The following LARP1 variants were observed in gnomAD, a reference collection of about 807,000 sequenced individuals.
LARP1 encodes la-related protein 1.
Under a neutral mutation model 122.7 loss-of-function variants are expected in LARP1, and 36 were observed. The observed-to-expected ratio is 0.29, with a 90% CI of 0.22 to 0.39. The LOEUF is 0.39. Ranked by LOEUF, LARP1 falls within the 10% of genes least tolerant of loss-of-function variation. The pLI, the probability that LARP1 is intolerant of heterozygous loss-of-function variation, is 1.00. For synonymous variants in LARP1, 539 were observed against 528.7 expected, an observed-to-expected ratio of 1.02 and a Z score of -0.27; for missense variants, 1,040 against 1,403.6, an observed-to-expected ratio of 0.74 and a Z score of 4.14.
chr5:154,697,202 CT>C (rs11399407), intron 1 of LARP1, among the ~76,000 whole-genome samples: 1,912 of 141,552 alleles, frequency 0.014, 45 homozygotes, highest in African/African-American at 0.046. Context: ...AGCTTTTTAT[CT>C]TTTTTTTTTT....
chr5:154,792,647 C>G lies in LARP1; in HGVS notation c.590C>G (p.Thr197Ser). 6.2e-7 allele frequency: 1 copy of G among 1,614,050 alleles called. No homozygotes were observed. Among genetic ancestry groups the G allele is most frequent in the Non-Finnish European group, 8.5e-7 (1 of 1,179,990 alleles). Residue 197 changes from threonine to serine, a missense_variant, in exon 4 of 19, where the codon ACC (threonine) becomes AGC (serine). Physicochemically the swap from Thr to Ser is moderately conservative, Grantham distance 58 (BLOSUM62 1). This residue lies in a region of LARP1 where 257 missense variants were observed against 273.3 expected (regional missense o/e 0.94). Coordinates refer to ENST00000518297, the MANE Select transcript of LARP1 (RefSeq NM_033551.3). ...VQPQSHKPQP[T>S]RKLPPKKDMK... The stretch of plus-strand genomic sequence containing the variant: ...CCACAGTCCCACAAGCCTCAGCCTA[C>G]CCGTAAACTGCCACCCAAGAAGGAC...
chr5:154,794,545 C>T (rs1242500093), intron 7 of LARP1, among the ~76,000 whole-genome samples: 3 of 152,178 alleles, frequency 2.0e-5, no homozygotes, highest in Admixed American at 1.3e-4. Flanking sequence ...TTTGTAATGA[C>T]AACATTGACA....
chr5:154,791,221 G>A (rs1289171153), intron 3 of LARP1, among the ~76,000 whole-genome samples: 2 of 131,970 alleles, frequency 1.5e-5, no homozygotes, highest in Non-Finnish European at 3.1e-5. Context: ...TGCAACCTCC[G>A]CCTCCCAGGT....
upstream of LARP1, among the ~76,000 whole-genome samples, chr5:154,751,469 C>T (rs1183358430): frequency 1.3e-5 from 2 of 152,132 alleles, no homozygotes; most frequent in African/African-American, 4.8e-5. Context: ...AAGTATTTCC[C>T]ATAGAACCTA....
Position 154,811,240 on chromosome 5 carries a change from TC to T in LARP1, c.2844-6del. 1 of 1,610,980 alleles carries T rather than the reference TC, an allele frequency of 6.2e-7. No homozygotes were observed. Among genetic ancestry groups the T allele is most frequent in the Non-Finnish European group, 8.5e-7 (1 of 1,177,146 alleles). ...CTGCCCTGATTTCACTGACTTGTGT[TC>T]TACAGATATGGTTTGGAGTGCCTTT... On this transcript the variant is annotated splice_region_variant and splice_polypyrimidine_tract_variant and intron_variant, in intron 16 of 18. Coordinates refer to ENST00000518297, the MANE Select transcript of LARP1 (RefSeq NM_033551.3).
In LARP1 at chr5:154,814,481, CT is replaced by C. The variant is rs1759534995; in HGVS notation, c.*386del. On this transcript the variant is annotated 3_prime_UTR_variant, in exon 19 of 19. Transcript: ENST00000518297. Reference sequence around the variant, plus strand: ...TAGGCTGCAACCCTGGTCCCCACCCCTAACCTCCTGCTCCCCCTCAAGCCAA... The same window carrying C: ...TAGGCTGCAACCCTGGTCCCCACCCCAACCTCCTGCTCCCCCTCAAGCCAA... 1 of 153,022 alleles carries C rather than the reference CT, an allele frequency of 6.5e-6. No homozygotes were observed. Among genetic ancestry groups the C allele is most frequent in the South Asian group, 2.1e-4 (1 of 4,838 alleles). The allele number at this position is 153,022 out of a possible 1,614,324, so 9.5% of individuals were successfully genotyped here.
chr5:154,756,746 A>C (rs1753956823), intron 1 of LARP1, among the ~76,000 whole-genome samples: 3 of 152,158 alleles, frequency 2.0e-5, no homozygotes, highest in Admixed American at 2.0e-4. Flanking sequence ...ATTGGGCTTT[A>C]GAATCGCCAT....
chr5:154,708,949 T>C (rs1366353379), upstream of LARP1, among the ~76,000 whole-genome samples: 2 of 152,188 alleles, frequency 1.3e-5, no homozygotes, highest in Non-Finnish European at 2.9e-5. Context: ...TCAGCATTTC[T>C]CTATGGATAA....
intron 1 of LARP1, among the ~76,000 whole-genome samples, chr5:154,750,149 A>G (rs1753408128): frequency 6.6e-6 from 1 of 152,254 alleles, no homozygotes; most frequent in Admixed American, 6.5e-5. Context: ...CAGCACAAGG[A>G]GCAAACAAGC....
At chr5:154,689,618 TAAAA>T (rs61699481) in intron 1 of LARP1, among the ~76,000 whole-genome samples, 1 of 131,850 alleles carries the variant, frequency 7.6e-6, no homozygotes, top group Non-Finnish European at 1.6e-5. Flanking sequence ...TGACTCCGTT[TAAAA>T]AAAAAAAAAA....
At position 154,813,822 on chromosome 5, in the gene LARP1, G is replaced by T. The variant is rs1417896255; in HGVS notation, c.3082-65G>T. ...GTAGAAAGTAGGAAGTGTCTAGACG[G>T]GCCTGGCAAGGAAGAGGGCGTAGAT... On this transcript the variant is annotated intron_variant, in intron 18 of 18. Transcript: ENST00000518297. The T allele has an allele frequency of 5.9e-6, 8 of 1,355,682 alleles. No homozygotes were observed. The African/African-American group carries it at 1.1e-4, about 19-fold the overall frequency. The allele number at this position is 1,355,682 out of a possible 1,614,324, so 84.0% of individuals were successfully genotyped here.
intron 1 of LARP1, among the ~76,000 whole-genome samples, chr5:154,733,597 C>G (rs1290976842): frequency 6.7e-6 from 1 of 149,110 alleles, no homozygotes; most frequent in African/African-American, 2.5e-5. Context: ...GAGTCTCACT[C>G]TGTTGCCCAG....
intron 1 of LARP1, among the ~76,000 whole-genome samples, chr5:154,774,566 T>C (rs1339881105): frequency 6.6e-6 from 1 of 152,228 alleles, no homozygotes; most frequent in Non-Finnish European, 1.5e-5. Context: ...TATAACGGGT[T>C]GGTACTACCT....
chr5:154,750,431 G>A (rs1424194573), upstream of LARP1, among the ~76,000 whole-genome samples: 2 of 151,970 alleles, frequency 1.3e-5, no homozygotes, highest in Non-Finnish European at 2.9e-5. Context: ...CACCATGCCC[G>A]GATAATGCTT....
At chr5:154,763,298 G>A (rs111903895) in intron 1 of LARP1, among the ~76,000 whole-genome samples, 7,847 of 152,016 alleles carry the variant, frequency 0.052, 356 homozygotes, top group African/African-American at 0.13. Flanking sequence ...CTGACCTCAG[G>A]TGATCTGCCC....
At chr5:154,752,678 CT>C (rs1344197787), upstream of LARP1, among the ~76,000 whole-genome samples, 1 of 152,008 alleles carries the variant, frequency 6.6e-6, no homozygotes, top group African/African-American at 2.4e-5. Context: ...GTGGCTAACA[CT>C]TGTAATCCCA....
At chr5:154,790,269 C>T in intron 1 of LARP1, 56 bp from the exon 2 acceptor site, 1 of 1,464,026 alleles carries the variant, frequency 6.8e-7, no homozygotes, top group South Asian at 1.2e-5. Flanking sequence ...GAGGAGCTGG[C>T]AGTAGCCCCC....
At chr5:154,720,040 A>C (rs1234045990) in intron 1 of LARP1, among the ~76,000 whole-genome samples, 4 of 151,020 alleles carry the variant, frequency 2.6e-5, no homozygotes, top group Admixed American at 2.6e-4. Flanking sequence ...AAAATACAAA[A>C]ATTAGCCAGG....
rs777191209 is a variant in LARP1, at chr5:154,814,072, G to C, written c.3267G>C (p.Ser1089=). The change falls in exon 19 of 19, where the codon TCG becomes TCC. Residue 1089 remains serine, a synonymous_variant. Coordinates refer to ENST00000518297, the MANE Select transcript of LARP1 (RefSeq NM_033551.3). ...ATGCCAAATGGACAAGCCAGCACTC[G>C]AACACACAGACTTTGGGAAAGTGAA... ...REDAKWTSQH[S]NTQTLGK is the part of the protein sequence containing the mutation. The C allele has an allele frequency of 1.9e-6, 3 of 1,614,032 alleles. No homozygotes were observed. Among genetic ancestry groups the C allele is most frequent in the South Asian group, 1.1e-5 (1 of 91,074 alleles).
Sources: allele counts gnomAD v4.1 joint callset (sites outside exome capture counted in the v4.1 genomes callset), GRCh38; gene constraint gnomAD v4.1.1; regional missense constraint gnomAD v4.1.1; transcripts MANE v1.5; gene names NCBI Gene and HGNC (gene_info 2026-07-23, HGNC 2026-07-21).